KDM4C: variants seen among roughly 807,000 people sequenced by gnomAD.
KDM4C encodes the protein lysine demethylase 4C, also known as lysine-specific demethylase 4C.
Under a neutral mutation model 129.3 loss-of-function variants are expected in KDM4C, and 81 were observed. The observed-to-expected ratio is 0.63, with a 90% CI of 0.52 to 0.75. KDM4C has a LOEUF of 0.75. KDM4C is among the 30% of genes least tolerant of loss of function. KDM4C has a pLI of 0.00. For missense variants in KDM4C, 1,457 were observed against 1,304.0 expected, an observed-to-expected ratio of 1.12 and a Z score of -1.81; for synonymous variants, 573 against 456.1, an observed-to-expected ratio of 1.26 and a Z score of -3.26.
rs1297546280 is a variant in KDM4C, at chr9:7,046,876, C to A, written c.2274C>A (p.Cys758Ter). 6.2e-7 allele frequency: 1 copy of A among 1,607,104 alleles called. No homozygotes were observed. The highest frequency in any genetic ancestry group is 2.2e-5 in the East Asian group (1 of 44,780). Residue 758 changes from cysteine (C) to a stop codon, truncating the protein, a stop_gained, in exon 16 of 22, where the codon TGC becomes TGA. Transcript: ENST00000381309. LOFTEE classifies it high-confidence loss of function. ...TTTCCCCCCAGGAATGCTGTCTCTG[C>A]AATTTGAGAGGAGGTGCTCTTAAGC... is the stretch of plus-strand genomic sequence containing the variant. ...RNAWTAECCL[C>*]NLRGGALKQT...
chr9:7,038,833 T>A (rs1454710671), intron 15 of KDM4C, among the ~76,000 whole-genome samples: 1 of 152,064 alleles, frequency 6.6e-6, no homozygotes, highest in Non-Finnish European at 1.5e-5. Flanking sequence ...CTCATTCTTT[T>A]CCTTTTTCAT....
chr9:6,900,357 G>A (rs187134948), intron 8 of KDM4C, among the ~76,000 whole-genome samples: 1 of 152,322 alleles, frequency 6.6e-6, no homozygotes, highest in East Asian at 1.9e-4. Flanking sequence ...TGTGATTTGT[G>A]GGATCACTCT....
At chr9:6,949,523 C>T (rs1363459032) in intron 8 of KDM4C, among the ~76,000 whole-genome samples, 1 of 152,216 alleles carries the variant, frequency 6.6e-6, no homozygotes, top group Admixed American at 6.5e-5. Flanking sequence ...GAGCCAAGAT[C>T]ACGCCACTGC....
intron 8 of KDM4C, among the ~76,000 whole-genome samples, chr9:6,930,396 A>T (rs997821271): frequency 6.6e-6 from 1 of 152,048 alleles, no homozygotes; most frequent in African/African-American, 2.4e-5. Context: ...TACAGTGAAT[A>T]TGTGGAAAAT....
Position 6,859,844 on chromosome 9 carries a change from G to A in KDM4C, c.629+10144G>A, listed in dbSNP as rs144438331. On this transcript the variant is annotated intron_variant, in intron 5 of 21. Transcript: ENST00000381309. ...CGTGCCACTGCACTCCAGCCTGGGC[G>A]ACACAGCGAGACTCCGTCTCAAAAA... is the stretch of plus-strand genomic sequence containing the variant. Among the ~76,000 whole-genome samples the A allele has an allele frequency of 4.7e-3, 668 of 142,248 alleles. 8 individuals carry two copies. Among genetic ancestry groups the A allele is most frequent in the South Asian group, 0.034 (152 of 4,486 alleles). The allele number at this position is 142,248 out of a possible 152,430, so 93.3% of individuals were successfully genotyped here.
intron 17 of KDM4C, among the ~76,000 whole-genome samples, chr9:7,092,851 T>C (rs150179433): frequency 6.6e-6 from 1 of 152,154 alleles, no homozygotes; most frequent in Non-Finnish European, 1.5e-5. Context: ...CTGACTGTTC[T>C]GTTTGAAGAG....
intron 18 of KDM4C, among the ~76,000 whole-genome samples, chr9:7,127,673 G>C (rs1840165578): frequency 6.6e-6 from 1 of 152,112 alleles, no homozygotes; most frequent in Non-Finnish European, 1.5e-5. Flanking sequence ...GGCCATTATT[G>C]GATCATTTGA....
chr9:6,899,058 A>C (rs182274223), intron 8 of KDM4C, among the ~76,000 whole-genome samples: 130 of 140,650 alleles, frequency 9.2e-4, no homozygotes, highest in Admixed American at 4.0e-3. Context: ...TATGTTCTGC[A>C]TTTTTTTTTT....
chr9:6,983,387 A>G (rs1817104750), intron 9 of KDM4C, among the ~76,000 whole-genome samples: 1 of 152,194 alleles, frequency 6.6e-6, no homozygotes, highest in Admixed American at 6.5e-5. Context: ...AATACTCAGG[A>G]AGAAGATAAA....
intron 1 of KDM4C, among the ~76,000 whole-genome samples, chr9:6,771,294 C>T (rs143392566): frequency 1.3e-5 from 2 of 151,210 alleles, no homozygotes; most frequent in African/African-American, 2.4e-5. Context: ...AATATGTTTT[C>T]TAAGTATTTC....
intron 4 of KDM4C, among the ~76,000 whole-genome samples, chr9:6,839,772 T>C (rs1009802746): frequency 2.0e-5 from 3 of 151,846 alleles, no homozygotes; most frequent in South Asian, 4.2e-4. Context: ...TGTGGTGGCA[T>C]GTGCCTGTAA....
intron 18 of KDM4C, among the ~76,000 whole-genome samples, chr9:7,110,835 G>T (rs953640036): frequency 6.6e-6 from 1 of 152,184 alleles, no homozygotes; most frequent in African/African-American, 2.4e-5. Context: ...TCTAAGACTT[G>T]CAGTATTGGA....
At chr9:7,171,820 A>T (rs1166032331) in intron 21 of KDM4C, among the ~76,000 whole-genome samples, 3 of 151,626 alleles carry the variant, frequency 2.0e-5, no homozygotes, top group Non-Finnish European at 2.9e-5. Context: ...TTTTTTTTTT[A>T]TTCTCTGAAA....
intron 8 of KDM4C, among the ~76,000 whole-genome samples, chr9:6,914,548 A>G (rs1056953590): frequency 1.3e-5 from 2 of 152,232 alleles, no homozygotes; most frequent in Non-Finnish European, 2.9e-5. Context: ...ATTAAAAAAC[A>G]TTAGCATTGT....
intron 4 of KDM4C, chr9:6,835,701 G>A (rs1835759157): frequency 1.5e-6 from 1 of 674,308 alleles, no homozygotes. Flanking sequence ...TTTTTGTTTT[G>A]GCTTGACTCA....
intron 5 of KDM4C, among the ~76,000 whole-genome samples, chr9:6,855,861 C>A (rs374339190): frequency 6.6e-6 from 1 of 152,144 alleles, no homozygotes; most frequent in Non-Finnish European, 1.5e-5. Context: ...AGTTGGGGAG[C>A]CCCACTATTC....
chr9:7,146,633 A>G (rs138858481), intron 19 of KDM4C, among the ~76,000 whole-genome samples: 7 of 152,308 alleles, frequency 4.6e-5, no homozygotes, highest in African/African-American at 1.7e-4. Context: ...GTAAAAAACT[A>G]TATCTGTTTA....
At chr9:7,081,712 G>A (rs1016004953) in intron 17 of KDM4C, among the ~76,000 whole-genome samples, 6 of 152,160 alleles carry the variant, frequency 3.9e-5, no homozygotes, top group Admixed American at 1.3e-4. Context: ...CGATAATTAC[G>A]CTGCATGAGG....
At chr9:7,070,819 A>G (rs908094736) in intron 17 of KDM4C, among the ~76,000 whole-genome samples, 1 of 152,100 alleles carries the variant, frequency 6.6e-6, no homozygotes, top group African/African-American at 2.4e-5. Flanking sequence ...AGTTCCCATC[A>G]CTCCTATTCA....
Sources: gnomAD v4.1 joint callset for allele counts (sites outside exome capture counted in the v4.1 genomes callset) on GRCh38, gnomAD v4.1.1 for gene constraint, MANE v1.5 for transcripts, NCBI Gene and HGNC (gene_info 2026-07-23, HGNC 2026-07-21) for gene names.